Variants in GRID1 observed in about 807,000 individuals in gnomAD.
GRID1 encodes the protein glutamate ionotropic receptor delta type subunit 1.
In GRID1, 28 loss-of-function variants were observed where a neutral mutation model predicts 98.0. That is an observed-to-expected ratio of 0.29 (90% CI 0.21 to 0.39). The LOEUF (loss-of-function observed/expected upper bound fraction) is 0.39. Ranked by LOEUF, GRID1 falls within the 10% of genes least tolerant of loss-of-function variation. The pLI is 1.00. For missense variants in GRID1, 1,111 were observed against 1,340.5 expected, an observed-to-expected ratio of 0.83 and a Z score of 2.67; for synonymous variants, 553 against 538.5, an observed-to-expected ratio of 1.03 and a Z score of -0.37.
intron 4 of GRID1, among the ~76,000 whole-genome samples, chr10:86,110,937 A>G (rs1844471768): frequency 6.6e-6 from 1 of 152,366 alleles, no homozygotes; most frequent in African/African-American, 2.4e-5. Flanking sequence ...AGACACAAAT[A>G]AAGCCCAGCG....
chr10:85,880,984 C>G (rs1043967250), intron 5 of GRID1, among the ~76,000 whole-genome samples: 1 of 152,120 alleles, frequency 6.6e-6, no homozygotes. Context: ...CAATAACAGA[C>G]AAACAGAGAG....
intron 2 of GRID1, among the ~76,000 whole-genome samples, chr10:86,297,849 C>T (rs2814317): frequency 0.73 from 111,183 of 152,086 alleles, 43,853 homozygotes; most frequent in Non-Finnish European, 0.87. Context: ...TCCACCTCTC[C>T]GGGAATCCAA....
intron 2 of GRID1, among the ~76,000 whole-genome samples, chr10:86,352,515 G>T (rs1000678622): frequency 6.9e-6 from 1 of 144,582 alleles, no homozygotes; most frequent in African/African-American, 2.8e-5. Context: ...CTTGCAGATG[G>T]CTGCCTTCTT....
intron 4 of GRID1, among the ~76,000 whole-genome samples, chr10:85,940,986 G>A (rs981482421): frequency 6.6e-6 from 1 of 152,152 alleles, no homozygotes; most frequent in Non-Finnish European, 1.5e-5. Flanking sequence ...CATTCTGCTT[G>A]GGGAAGGCCA....
At chr10:85,991,592 G>A (rs963464234) in intron 4 of GRID1, among the ~76,000 whole-genome samples, 2 of 152,120 alleles carry the variant, frequency 1.3e-5, no homozygotes, top group African/African-American at 4.8e-5. Context: ...CAAGTCAGGA[G>A]GGCTCTGGGC....
At chr10:86,128,521 G>A (rs1844787795) in intron 4 of GRID1, among the ~76,000 whole-genome samples, 1 of 152,130 alleles carries the variant, frequency 6.6e-6, no homozygotes, top group African/African-American at 2.4e-5. Flanking sequence ...AGCATACTTT[G>A]GTGATAGTGC....
chr10:85,916,244 A>G lies in GRID1; in HGVS notation c.727-5T>C, dbSNP rs538998542. ...AGCCAGGTTGGTCTCCACGGCCTGC[A>G]GAGAGAAAAAGAACGAACATGAACA... is the stretch of plus-strand genomic sequence containing the variant. On this transcript the variant is annotated splice_region_variant and splice_polypyrimidine_tract_variant and intron_variant, in intron 4 of 15. Coordinates refer to ENST00000327946, the MANE Select transcript of GRID1 (RefSeq NM_017551.3). The surrounding 1 kb of genome is among the most constrained non-coding windows in gnomAD (Gnocchi z 4.0). 1.2e-6 allele frequency: 2 copies of G among 1,609,898 alleles called. No homozygotes were observed. The highest frequency in any genetic ancestry group is 2.2e-5 in the East Asian group (1 of 44,864).
intron 3 of GRID1, among the ~76,000 whole-genome samples, chr10:86,144,379 G>A (rs191094657): frequency 5.7e-4 from 87 of 152,146 alleles, no homozygotes; most frequent in Admixed American, 1.8e-3. Flanking sequence ...ATCCTTGCTC[G>A]CCCCATGACA....
At chr10:85,825,810 T>C (rs1207383974) in intron 8 of GRID1, among the ~76,000 whole-genome samples, 1 of 152,056 alleles carries the variant, frequency 6.6e-6, no homozygotes, top group African/African-American at 2.4e-5. Flanking sequence ...ACAAAAAATA[T>C]GTGTGTAATG....
chr10:85,804,876 A>G lies in GRID1; in HGVS notation c.1233+49620T>C, dbSNP rs574293847. Among the ~76,000 whole-genome samples, 4 of 151,844 alleles carry G rather than the reference A, an allele frequency of 2.6e-5. No individual in the cohort carries two copies. In the South Asian group the frequency reaches 8.3e-4, roughly 31 times the overall value. On this transcript the variant is annotated intron_variant, in intron 8 of 15. Transcript: ENST00000327946. Reference sequence around the variant, plus strand: ...TAATAATAAAACCTGAATACTTTCTAATTAAGTTTGGGGACAAGGATGTCA... The same window carrying G: ...TAATAATAAAACCTGAATACTTTCTGATTAAGTTTGGGGACAAGGATGTCA...
intron 12 of GRID1, among the ~76,000 whole-genome samples, chr10:85,686,038 T>C (rs1054532326): frequency 1.3e-5 from 2 of 152,172 alleles, no homozygotes; most frequent in Non-Finnish European, 2.9e-5. Flanking sequence ...TATTTTGATC[T>C]TGTTTATGTG....
chr10:86,334,276 C>T (rs1848193677), intron 2 of GRID1, among the ~76,000 whole-genome samples: 1 of 152,086 alleles, frequency 6.6e-6, no homozygotes, highest in Non-Finnish European at 1.5e-5. Context: ...TAACACGTTC[C>T]ATCTCCCTCA....
intron 15 of GRID1, 86 bp from the exon 16 acceptor site, chr10:85,602,787 C>G (rs1842599667): frequency 1.1e-6 from 1 of 949,164 alleles, no homozygotes; most frequent in Non-Finnish European, 1.6e-6. Context: ...CTGTAGTCAC[C>G]AGGCCTGGTC....
chr10:85,781,572 G>A (rs1032770725), intron 8 of GRID1, among the ~76,000 whole-genome samples: 14 of 152,272 alleles, frequency 9.2e-5, no homozygotes, highest in Non-Finnish European at 1.8e-4. Flanking sequence ...ATGCTGGAGC[G>A]TAGGTAACAA....
intron 4 of GRID1, among the ~76,000 whole-genome samples, chr10:85,965,488 G>A (rs1842324834): frequency 6.6e-6 from 1 of 152,148 alleles, no homozygotes; most frequent in African/African-American, 2.4e-5. Flanking sequence ...CCTTTGCAGG[G>A]ACATGGATGA....
intron 4 of GRID1, among the ~76,000 whole-genome samples, chr10:85,943,652 A>G (rs1842021236): frequency 6.6e-6 from 1 of 152,196 alleles, no homozygotes; most frequent in South Asian, 2.1e-4. Context: ...CAACCTATGT[A>G]GTTCAAACTC....
At chr10:86,026,831 G>T (rs1430456312) in intron 4 of GRID1, among the ~76,000 whole-genome samples, 2 of 152,216 alleles carry the variant, frequency 1.3e-5, no homozygotes, top group Admixed American at 1.3e-4. Context: ...GACGTGTGGG[G>T]TGTGAATCCC....
At chr10:86,234,509 A>G (rs776322295) in intron 2 of GRID1, among the ~76,000 whole-genome samples, 23 of 152,242 alleles carry the variant, frequency 1.5e-4, no homozygotes, top group Non-Finnish European at 7.3e-5. Context: ...GAAGCAAGAG[A>G]TTAAAATTTC....
chr10:85,903,857 C>T (rs1320985052), intron 5 of GRID1, among the ~76,000 whole-genome samples: 1 of 152,192 alleles, frequency 6.6e-6, no homozygotes, highest in East Asian at 1.9e-4. Context: ...TGCACAGCAT[C>T]CTCACTTCCT....
Sources: gnomAD v4.1 joint callset for allele counts (sites outside exome capture counted in the v4.1 genomes callset) on GRCh38, gnomAD v4.1.1 for gene constraint, Gnocchi (gnomAD v3.1) non-coding constraint, MANE v1.5 for transcripts, NCBI Gene and HGNC (gene_info 2026-07-23, HGNC 2026-07-21) for gene names.